The following GMCL1 variants were observed in gnomAD, a reference collection of about 807,000 sequenced individuals.
GMCL1 encodes the protein germ cell-less protein-like 1.
A neutral mutation model predicts 75.5 loss-of-function variants in GMCL1; 54 were observed. The observed-to-expected ratio is 0.71, with a 90% confidence interval of 0.57 to 0.90. The LOEUF is 0.90. Ranked by LOEUF, GMCL1 falls within the 40% of genes least tolerant of loss-of-function variation. The pLI is 0.00. For synonymous variants in GMCL1, 210 were observed against 209.6 expected (o/e 1.00, Z -0.02); for missense variants, 537 against 622.7 (o/e 0.86, Z 1.47).
chr2:69,830,276 G>C, intron 1 of GMCL1, 124 bp downstream of exon 1: 2 of 1,283,918 alleles, frequency 1.6e-6, no homozygotes, highest in South Asian at 3.1e-5. Context: ...ACGTGCCCTT[G>C]ACAGGGTGAA....
At chr2:69,875,510 C>T (rs534659097) in intron 13 of GMCL1, among the ~76,000 whole-genome samples, 1 of 152,072 alleles carries the variant, frequency 6.6e-6, no homozygotes, top group African/African-American at 2.4e-5. Flanking sequence ...GCAAAAATTC[C>T]TATGGGGATT....
chr2:69,857,366 G>T (rs1395004307), intron 9 of GMCL1, among the ~76,000 whole-genome samples: 2 of 152,176 alleles, frequency 1.3e-5, no homozygotes, highest in Non-Finnish European at 2.9e-5. Context: ...TACAGCTTTT[G>T]TATTGGTGTC....
In GMCL1 at chr2:69,876,371, A is replaced by AC. The variant is rs199828653; in HGVS notation, c.1453-2538_1453-2537insC. On this transcript the variant is annotated intron_variant, in intron 13 of 13. Coordinates refer to ENST00000282570, the MANE Select transcript of GMCL1 (RefSeq NM_178439.5). ...ATGGTTTTCTGATTTGAGCAATTTA[A>AC]TTTACAGTAGTGGTTTTACCTGAGA... 1.5e-4 allele frequency among the ~76,000 whole-genome samples: 23 copies of AC among 152,294 alleles called. No individual in the cohort carries two copies. The East Asian group carries it at 4.2e-3, about 28-fold the overall frequency.
chr2:69,830,515 T>C (rs1674642337), intron 1 of GMCL1, among the ~76,000 whole-genome samples: 1 of 152,234 alleles, frequency 6.6e-6, no homozygotes. Flanking sequence ...TAAGTTGTTT[T>C]GCATCCGGTT....
chr2:69,845,633 T>C (rs900718553), intron 6 of GMCL1, among the ~76,000 whole-genome samples: 2 of 152,206 alleles, frequency 1.3e-5, no homozygotes, highest in African/African-American at 4.8e-5. Context: ...AGCAAGTACT[T>C]CCTGACTGTC....
intron 12 of GMCL1, among the ~76,000 whole-genome samples, chr2:69,871,410 CG>C (rs1308546614): frequency 6.6e-6 from 1 of 151,726 alleles, no homozygotes; most frequent in Admixed American, 6.6e-5. Flanking sequence ...GGAGCTTCAG[CG>C]AGGGAAAATT....
chr2:69,830,000 C>T lies in GMCL1; in HGVS notation c.108C>T (p.Asp36=). The T allele has an allele frequency of 6.3e-7, 1 of 1,576,894 alleles. No homozygotes were observed. Among genetic ancestry groups the T allele is most frequent in the Admixed American group, 1.8e-5 (1 of 54,242 alleles). ...GGSARRPDTG[D]DAAGHGFCYC... Reference sequence around the variant, plus strand: ...CGGCCCGGAGGCCGGACACTGGAGACGATGCGGCGGGCCACGGATTCTGTT... The same window carrying T: ...CGGCCCGGAGGCCGGACACTGGAGATGATGCGGCGGGCCACGGATTCTGTT... The change falls in exon 1 of 14, where the codon GAC becomes GAT. Residue 36 remains aspartate (D), a synonymous_variant. Transcript: ENST00000282570.
intron 4 of GMCL1, chr2:69,842,805 T>G (rs1422721077): frequency 6.2e-6 from 1 of 161,698 alleles, no homozygotes; most frequent in African/African-American, 2.4e-5. Flanking sequence ...TAAAAAGAAA[T>G]GGCAAAACAG....
chr2:69,841,199 C>T (rs1240270255), intron 4 of GMCL1, among the ~76,000 whole-genome samples, 160 bp downstream of exon 4: 1 of 152,030 alleles, frequency 6.6e-6, no homozygotes, highest in African/African-American at 2.4e-5. Flanking sequence ...AAATGCCTAA[C>T]CAAAAGCAAT....
At chr2:69,853,230 A>T (rs1351914843) in intron 8 of GMCL1, among the ~76,000 whole-genome samples, 1 of 152,212 alleles carries the variant, frequency 6.6e-6, no homozygotes, top group Non-Finnish European at 1.5e-5. Flanking sequence ...ATTTAATTCA[A>T]CATATGAACT....
intron 11 of GMCL1, among the ~76,000 whole-genome samples, chr2:69,869,274 C>T (rs1216235923): frequency 4.9e-5 from 7 of 143,746 alleles, no homozygotes; most frequent in African/African-American, 7.8e-5. Context: ...AAAAATTAGC[C>T]GGGCGTGGTG....
rs780770067 is a variant in GMCL1, at chr2:69,837,575, A to G, written c.289A>G (p.Ile97Val). ...AAAATTAAAGAGTACATCTAAATAT[A>G]TTTATCAAACATTATTTTTGAATGG... ...RKKLKSTSKY[I>V]YQTLFLNGEN... Residue 97 changes from isoleucine to valine, a missense_variant, in exon 2 of 14, where the codon ATT (isoleucine) becomes GTT (valine). Ile to Val is a conservative substitution (Grantham distance 29). This residue lies in a region of GMCL1 where 48 missense variants were observed against 85.0 expected (regional missense o/e 0.56). Coordinates refer to ENST00000282570, the MANE Select transcript of GMCL1 (RefSeq NM_178439.5). 6.3e-7 allele frequency: 1 copy of G among 1,591,716 alleles called. No individual in the cohort carries two copies. The highest frequency in any genetic ancestry group is 8.6e-7 in the Non-Finnish European group (1 of 1,169,074).
chr2:69,869,891 C>T (rs375448690), intron 12 of GMCL1, 27 bp downstream of exon 12: 149 of 1,600,580 alleles, frequency 9.3e-5, no homozygotes, highest in Non-Finnish European at 1.2e-4. Flanking sequence ...CCACCCCACT[C>T]CTCCTCACTC....
chr2:69,867,305 T>G (rs1445191170), intron 11 of GMCL1, among the ~76,000 whole-genome samples: 1 of 152,062 alleles, frequency 6.6e-6, no homozygotes, highest in Non-Finnish European at 1.5e-5. Context: ...AATATCTCTG[T>G]TCCCTGACCT....
intron 11 of GMCL1, among the ~76,000 whole-genome samples, chr2:69,869,249 CA>C (rs35609593): frequency 0.076 from 5,988 of 79,226 alleles, 511 homozygotes; most frequent in Admixed American, 0.23. Context: ...ACCTCTGTCT[CA>C]AAAAAAAAAA....
rs1313291032 is a variant in GMCL1 at position 69,880,268 on chromosome 2, T to G, written c.*1264T>G. ...GCCCATTTGGAAAAAGAGTAAGCTC[T>G]TACATAAAATGGACCAAAAAATCCC... On this transcript the variant is annotated 3_prime_UTR_variant, in exon 14 of 14. Transcript: ENST00000282570. 6.6e-6 allele frequency: 1 copy of G among 152,160 alleles called. No homozygotes were observed. The highest frequency in any genetic ancestry group is 2.4e-5 in the African/African-American group (1 of 41,452). The allele number at this position is 152,160 out of a possible 1,614,324, so 9.4% of individuals were successfully genotyped here.
At chr2:69,861,153 A>C in intron 9 of GMCL1, 125 bp from the exon 10 acceptor site, 1 of 699,074 alleles carries the variant, frequency 1.4e-6, no homozygotes, top group Non-Finnish European at 2.3e-6. Flanking sequence ...TAAGCTACCT[A>C]ATTTTTAAAT....
At chr2:69,846,985 A>G (rs1675166037) in intron 6 of GMCL1, among the ~76,000 whole-genome samples, 1 of 151,232 alleles carries the variant, frequency 6.6e-6, no homozygotes, top group Non-Finnish European at 1.5e-5. Flanking sequence ...GGTGCACACC[A>G]ACATGATTGG....
intron 1 of GMCL1, among the ~76,000 whole-genome samples, chr2:69,833,353 G>A (rs774646689): frequency 3.3e-5 from 5 of 152,170 alleles, no homozygotes; most frequent in South Asian, 2.1e-4. Flanking sequence ...GGTGGCTCAC[G>A]CCTGTAATCC....
Sources: allele counts gnomAD v4.1 joint callset (sites outside exome capture counted in the v4.1 genomes callset), GRCh38; gene constraint gnomAD v4.1.1; regional missense constraint gnomAD v4.1.1; transcripts MANE v1.5; gene names NCBI Gene and HGNC (gene_info 2026-07-23, HGNC 2026-07-21).